The following PLXNC1 variants were observed in gnomAD, a reference collection of about 807,000 sequenced individuals.
PLXNC1 encodes plexin-C1.
In PLXNC1, 75 loss-of-function variants were observed where a neutral mutation model predicts 178.2. That is an observed-to-expected ratio of 0.42 (90% CI 0.35 to 0.51). PLXNC1 has a LOEUF of 0.51. Among genes scored for constraint, PLXNC1 ranks in the 20% least tolerant of loss-of-function variants. The pLI is 0.02. For missense variants in PLXNC1, 1,503 were observed against 1,984.4 expected (o/e 0.76, Z 4.61); for synonymous variants, 790 against 779.9 (o/e 1.01, Z -0.22).
At chr12:94,268,588 C>CTTTTTTTTTTTTTT (rs61265662) in intron 21 of PLXNC1, among the ~76,000 whole-genome samples, 13 of 90,884 alleles carry the variant, frequency 1.4e-4, no homozygotes, top group Admixed American at 2.8e-4. Flanking sequence ...AGAATAAGAC[C>CTTTTTTTTTTTTTT]TTTTTTTTTT....
intron 1 of PLXNC1, among the ~76,000 whole-genome samples, chr12:94,167,275 G>A (rs1031306977): frequency 2.0e-5 from 3 of 152,174 alleles, no homozygotes; most frequent in Non-Finnish European, 4.4e-5. Context: ...AGCACCTACT[G>A]TATACCAGAC....
chr12:94,220,236 C>T, intron 6 of PLXNC1, 73 bp downstream of exon 6: 1 of 1,463,504 alleles, frequency 6.8e-7, no homozygotes, highest in Non-Finnish European at 9.5e-7. Flanking sequence ...TTTAGTTTGC[C>T]CAAGGAATAT....
At position 94,287,688 on chromosome 12, in the gene PLXNC1, T is replaced by C. The variant is rs74504073; in HGVS notation, c.3879+5287T>C. On this transcript the variant is annotated intron_variant, in intron 23 of 30. Coordinates refer to ENST00000258526, the MANE Select transcript of PLXNC1 (RefSeq NM_005761.3). ...TAATTCAAAAGATATTTAAAGCTCATAGGAATGCCCCAAAGGGTCTGTTAA... is the reference window on the plus strand; with the variant it reads ...TAATTCAAAAGATATTTAAAGCTCACAGGAATGCCCCAAAGGGTCTGTTAA... 2.9e-3 allele frequency among the ~76,000 whole-genome samples: 442 copies of C among 152,290 alleles called. 1 individual carries two copies. The highest frequency in any genetic ancestry group is 9.7e-3 in the African/African-American group (403 of 41,558).
chr12:94,285,111 A>G (rs1277607138), intron 23 of PLXNC1, among the ~76,000 whole-genome samples: 3 of 80,676 alleles, frequency 3.7e-5, no homozygotes, highest in East Asian at 2.9e-4. Flanking sequence ...GGTCAAAGAT[A>G]TCAGTTGGGG....
intron 4 of PLXNC1, among the ~76,000 whole-genome samples, chr12:94,197,944 T>C (rs979597570): frequency 2.0e-5 from 3 of 152,122 alleles, no homozygotes; most frequent in African/African-American, 7.2e-5. Context: ...AAACCCTCCA[T>C]CTTGAAAGCT....
At chr12:94,257,163 T>C (rs1964868929) in intron 17 of PLXNC1, among the ~76,000 whole-genome samples, 1 of 152,198 alleles carries the variant, frequency 6.6e-6, no homozygotes, top group East Asian at 1.9e-4. Flanking sequence ...AGATAAGTCC[T>C]GGTATTAATT....
In PLXNC1 at chr12:94,305,206, G is replaced by T. The variant is rs766577937; in HGVS notation, c.4628G>T (p.Arg1543Leu). 6.2e-7 allele frequency: 1 copy of T among 1,609,338 alleles called. No homozygotes were observed. The highest frequency in any genetic ancestry group is 1.7e-4 in the Middle Eastern group (1 of 6,050). ...ATTCTAAATAAACTAGAAAGAGAAC[G>T]AGGGCTGGAAGAAGCTCAGAAACAA... ...DEILNKLERE[R>L]GLEEAQKQLL... The change falls in exon 31 of 31, where the codon CGA becomes CTA. Residue 1543 changes from arginine to leucine, a missense_variant. Coordinates refer to ENST00000258526, the MANE Select transcript of PLXNC1 (RefSeq NM_005761.3).
At chr12:94,274,155 T>TAAA (rs3060881) in intron 21 of PLXNC1, among the ~76,000 whole-genome samples, 1,656 of 45,352 alleles carry the variant, frequency 0.037, 63 homozygotes, top group South Asian at 0.044. Flanking sequence ...ACCCTGTCTC[T>TAAA]AAAAAAAAAA....
intron 24 of PLXNC1, among the ~76,000 whole-genome samples, chr12:94,295,031 G>A (rs1967760591): frequency 6.6e-6 from 1 of 152,254 alleles, no homozygotes; most frequent in Non-Finnish European, 1.5e-5. Context: ...TTATGGGAAA[G>A]TCAATAGGCT....
Position 94,149,184 on chromosome 12 carries a change from C to T in PLXNC1, c.213C>T (p.Ser71=), listed in dbSNP as rs1344782444. ...GCTGCCTGGACCAGCTGGACTACAGCCTGGAGCACAGCCTCTCGCGCCTGT... is the reference window on the plus strand; with the variant it reads ...GCTGCCTGGACCAGCTGGACTACAGTCTGGAGCACAGCCTCTCGCGCCTGT... ...SGSCLDQLDY[S]LEHSLSRLYR... The change falls in exon 1 of 31, where the codon AGC becomes AGT. Residue 71 remains serine (S), a synonymous_variant. Transcript: ENST00000258526. 1.3e-6 allele frequency: 2 copies of T among 1,589,978 alleles called. No individual in the cohort carries two copies. Among genetic ancestry groups the T allele is most frequent in the African/African-American group, 1.4e-5 (1 of 71,982 alleles).
At chr12:94,213,272 G>A (rs1161108219) in intron 5 of PLXNC1, among the ~76,000 whole-genome samples, 2 of 152,230 alleles carry the variant, frequency 1.3e-5, no homozygotes, top group African/African-American at 2.4e-5. Flanking sequence ...CCCACCAACA[G>A]TGTAAAAGTG....
chr12:94,293,331 G>A (rs916864462), intron 23 of PLXNC1, among the ~76,000 whole-genome samples: 2 of 152,202 alleles, frequency 1.3e-5, no homozygotes, highest in African/African-American at 4.8e-5. Flanking sequence ...ATGTGAAATG[G>A]CTCTGTCATA....
chr12:94,258,067 C>T (rs1004084046), intron 17 of PLXNC1, among the ~76,000 whole-genome samples: 7 of 151,942 alleles, frequency 4.6e-5, no homozygotes, highest in Non-Finnish European at 7.4e-5. Context: ...GCAGAGGTTG[C>T]CGTGAGCCGA....
In PLXNC1 at chr12:94,225,236, C is replaced by T. The variant is rs573528618; in HGVS notation, c.1790+921C>T. Among the ~76,000 whole-genome samples the T allele has an allele frequency of 2.0e-5, 3 of 152,306 alleles. No individual in the cohort carries two copies. In the South Asian group the frequency reaches 6.2e-4, roughly 32 times the overall value. ...GCACCTTGGGAGGCTGCATGAGTAG[C>T]AGTGCTGTAGATCACTGCATAGTTT... is the stretch of plus-strand genomic sequence containing the variant. On this transcript the variant is annotated intron_variant, in intron 7 of 30. Transcript: ENST00000258526.
intron 19 of PLXNC1, 92 bp downstream of exon 19, chr12:94,259,826 G>A (rs1964946075): frequency 9.1e-7 from 1 of 1,099,670 alleles, no homozygotes; most frequent in South Asian, 2.1e-5. Context: ...CATTTTGGGA[G>A]GCCAAGGCAG....
At chr12:94,209,119 A>G (rs560740586) in intron 4 of PLXNC1, among the ~76,000 whole-genome samples, 1 of 152,268 alleles carries the variant, frequency 6.6e-6, no homozygotes, top group South Asian at 2.1e-4. Flanking sequence ...AGCACAAAAT[A>G]GTAACTTTGT....
At chr12:94,271,831 T>C (rs755755992) in intron 21 of PLXNC1, among the ~76,000 whole-genome samples, 1 of 151,630 alleles carries the variant, frequency 6.6e-6, no homozygotes, top group African/African-American at 2.4e-5. Context: ...AGTATTCTTT[T>C]TGGTTGGTTA....
At position 94,305,167 on chromosome 12, in the gene PLXNC1, C is replaced by G. The variant is rs1565878668; in HGVS notation, c.4603-14C>G. 1 of 1,538,464 alleles carries G rather than the reference C, an allele frequency of 6.5e-7. No individual in the cohort carries two copies. The highest frequency in any genetic ancestry group is 2.3e-5 in the East Asian group (1 of 43,536). On this transcript the variant is annotated splice_polypyrimidine_tract_variant and intron_variant, in intron 30 of 30. Transcript: ENST00000258526. ...AACCACAATATCTAAAATAACTGTTCTAATTGTCAACAGATTCTAAATAAA... is the reference window on the plus strand; with the variant it reads ...AACCACAATATCTAAAATAACTGTTGTAATTGTCAACAGATTCTAAATAAA...
chr12:94,190,444 T>G (rs1261804354), intron 4 of PLXNC1, among the ~76,000 whole-genome samples: 1 of 152,158 alleles, frequency 6.6e-6, no homozygotes, highest in Non-Finnish European at 1.5e-5. Context: ...TTTCACCATG[T>G]TGCCCAGGCT....
Sources: gnomAD v4.1 joint callset for allele counts (sites outside exome capture counted in the v4.1 genomes callset) on GRCh38, gnomAD v4.1.1 for gene constraint, MANE v1.5 for transcripts, NCBI Gene and HGNC (gene_info 2026-07-23, HGNC 2026-07-21) for gene names.